The following STXBP4 variants were observed in gnomAD, a reference collection of about 807,000 sequenced individuals.
The protein encoded by STXBP4 is syntaxin binding protein 4, also known as syntaxin-binding protein 4.
A neutral mutation model predicts 76.1 loss-of-function variants in STXBP4; 55 were observed. That is an observed-to-expected ratio of 0.72 (90% CI 0.58 to 0.91). The LOEUF is 0.91. Ranked by LOEUF, STXBP4 falls within the 40% of genes least tolerant of loss-of-function variation. The pLI, the probability that STXBP4 is intolerant of heterozygous loss-of-function variation, is 0.00. For missense variants in STXBP4, 618 were observed against 636.9 expected, an observed-to-expected ratio of 0.97 and a Z score of 0.32; for synonymous variants, 201 against 220.2, an observed-to-expected ratio of 0.91 and a Z score of 0.77.
rs367598851 is a variant in STXBP4, at chr17:55,027,398, C to T, written c.667-3770C>T. Among the ~76,000 whole-genome samples, 213 of 152,188 alleles carry T rather than the reference C, an allele frequency of 1.4e-3. 1 individual carries two copies. The highest frequency in any genetic ancestry group is 4.9e-3 in the African/African-American group (204 of 41,526). On this transcript the variant is annotated intron_variant, in intron 8 of 17. Coordinates refer to ENST00000376352, the MANE Select transcript of STXBP4 (RefSeq NM_178509.6). Reference sequence around the variant, plus strand: ...AGCACAAAGGAAGTGAAATAATGGACTTTGGAGACTCAGAAGGGGGATGGT... The same window carrying T: ...AGCACAAAGGAAGTGAAATAATGGATTTTGGAGACTCAGAAGGGGGATGGT...
intron 12 of STXBP4, among the ~76,000 whole-genome samples, chr17:55,057,739 T>G (rs1358264763): frequency 6.6e-6 from 1 of 152,176 alleles, no homozygotes; most frequent in Non-Finnish European, 1.5e-5. Flanking sequence ...GTGTGTGATG[T>G]TCCCCTCCCT....
chr17:55,009,432 T>G (rs1380165516), intron 8 of STXBP4, among the ~76,000 whole-genome samples: 5 of 152,228 alleles, frequency 3.3e-5, no homozygotes, highest in Non-Finnish European at 7.4e-5. Context: ...AGCTAACTGC[T>G]TTACCTGACA....
intron 1 of STXBP4, among the ~76,000 whole-genome samples, chr17:54,984,332 CTTT>C (rs200349357): frequency 3.1e-5 from 4 of 130,284 alleles, no homozygotes; most frequent in South Asian, 2.4e-4. Context: ...CTCTCTTTTT[CTTT>C]TTTCTTTTTT....
At chr17:55,107,669 C>G (rs1250075209) in intron 16 of STXBP4, among the ~76,000 whole-genome samples, 5 of 152,196 alleles carry the variant, frequency 3.3e-5, no homozygotes. Context: ...TTCTAACAGT[C>G]AGGCCCCTGT....
chr17:55,152,460 A>AACAC (rs1445607506), intron 17 of STXBP4, among the ~76,000 whole-genome samples: 4 of 152,192 alleles, frequency 2.6e-5, no homozygotes, highest in African/African-American at 9.7e-5. Context: ...TCACACTGCT[A>AACAC]TAAAGATATC....
chr17:55,206,943 G>GTC, the STXBP4 span, among the ~76,000 whole-genome samples: 1 of 151,212 alleles, frequency 6.6e-6, no homozygotes, highest in African/African-American at 2.4e-5. Flanking sequence ...AATCCCATCT[G>GTC]TCATGACAGG....
chr17:55,212,965 T>G, the STXBP4 span, among the ~76,000 whole-genome samples: 3 of 152,074 alleles, frequency 2.0e-5, no homozygotes, highest in African/African-American at 7.2e-5. Context: ...TGTAGGATGC[T>G]TGCTTCTCAA....
chr17:55,139,043 A>C (rs2080066109), intron 16 of STXBP4, among the ~76,000 whole-genome samples: 1 of 152,166 alleles, frequency 6.6e-6, no homozygotes, highest in African/African-American at 2.4e-5. Context: ...CATCTTCTAA[A>C]ATAAGTTATA....
At chr17:54,969,656 G>T (rs2077357563) in intron 1 of STXBP4, among the ~76,000 whole-genome samples, 1 of 152,180 alleles carries the variant, frequency 6.6e-6, no homozygotes. Flanking sequence ...TTGCTACGTG[G>T]CCATTTCTAA....
Position 54,999,408 on chromosome 17 carries a change from T to A in STXBP4, c.244T>A (p.Ser82Thr). The A allele has an allele frequency of 6.2e-7, 1 of 1,613,284 alleles. No homozygotes were observed. The highest frequency in any genetic ancestry group is 1.7e-4 in the Middle Eastern group (1 of 6,056). Residue 82 changes from serine to threonine, a missense_variant, in exon 5 of 18, where the codon TCA (serine) becomes ACA (threonine). Ser to Thr is a moderately conservative substitution (Grantham distance 58). Transcript: ENST00000376352. The stretch of plus-strand genomic sequence containing the variant: ...CAACAAGGAATCTATGATTGGTGTA[T>A]CATTTGAAGAAGCAAAAAGCATAAT... ...SVNKESMIGV[S>T]FEEAKSIITG...
At chr17:55,111,557 G>A (rs1034882403) in intron 16 of STXBP4, among the ~76,000 whole-genome samples, 3 of 152,080 alleles carry the variant, frequency 2.0e-5, no homozygotes, top group Non-Finnish European at 4.4e-5. Flanking sequence ...CTGTCCTCAT[G>A]AGAGTACCTG....
At chr17:55,006,371 A>G (rs1160172324) in intron 7 of STXBP4, among the ~76,000 whole-genome samples, 1 of 152,188 alleles carries the variant, frequency 6.6e-6, no homozygotes. Flanking sequence ...TTAAAAAATT[A>G]AAACACTGCA....
intron 10 of STXBP4, among the ~76,000 whole-genome samples, chr17:55,034,528 A>G (rs539864503): frequency 1.6e-4 from 24 of 152,258 alleles, no homozygotes; most frequent in Admixed American, 5.9e-4. Flanking sequence ...ATAACTAGCT[A>G]GCTAGACAAA....
the STXBP4 span, among the ~76,000 whole-genome samples, chr17:55,199,877 G>A: frequency 6.6e-6 from 1 of 152,100 alleles, no homozygotes; most frequent in African/African-American, 2.4e-5. Context: ...CATACAGACT[G>A]GCCCCATTTC....
intron 16 of STXBP4, among the ~76,000 whole-genome samples, chr17:55,095,866 C>G (rs1050554686): frequency 6.6e-6 from 1 of 152,074 alleles, no homozygotes; most frequent in Non-Finnish European, 1.5e-5. Context: ...ATTCTCTGTC[C>G]AGGGTTCCTA....
chr17:55,062,435 G>A (rs1049326571), intron 12 of STXBP4, among the ~76,000 whole-genome samples: 1 of 151,914 alleles, frequency 6.6e-6, no homozygotes, highest in African/African-American at 2.4e-5. Context: ...TTTTTTTATG[G>A]CTGCATAGTA....
chr17:55,078,754 T>G lies in STXBP4; in HGVS notation c.1355+19T>G. On this transcript the variant is annotated intron_variant, in intron 15 of 17. Coordinates refer to ENST00000376352, the MANE Select transcript of STXBP4 (RefSeq NM_178509.6). ...ATTTAAGGTAAGAAAATTTAAGTGCTTTTTGCAGAATATGGGTAGTGATTA... is the reference window on the plus strand; with the variant it reads ...ATTTAAGGTAAGAAAATTTAAGTGCGTTTTGCAGAATATGGGTAGTGATTA... The G allele has an allele frequency of 7.3e-7, 1 of 1,375,442 alleles. No homozygotes were observed. Among genetic ancestry groups the G allele is most frequent in the Non-Finnish European group, 1.0e-6 (1 of 966,064 alleles). 85.2% of individuals were successfully genotyped at this position (1,375,442 alleles called of 1,614,324 possible).
At chr17:55,017,218 T>C (rs1050818177) in intron 8 of STXBP4, among the ~76,000 whole-genome samples, 1 of 152,202 alleles carries the variant, frequency 6.6e-6, no homozygotes, top group Non-Finnish European at 1.5e-5. Context: ...CTCCTCTGTC[T>C]CTTTCGCCTC....
intron 4 of STXBP4, among the ~76,000 whole-genome samples, chr17:54,996,948 A>G (rs915064176): frequency 5.9e-5 from 9 of 152,226 alleles, no homozygotes; most frequent in Admixed American, 3.3e-4. Flanking sequence ...TTATTATTTC[A>G]ACATCTACAT....
Sources: gnomAD v4.1 joint callset for allele counts (sites outside exome capture counted in the v4.1 genomes callset) on GRCh38, gnomAD v4.1.1 for gene constraint, MANE v1.5 for transcripts, NCBI Gene and HGNC (gene_info 2026-07-23, HGNC 2026-07-21) for gene names.